ADCY8: variants seen among roughly 807,000 people sequenced by gnomAD.
The protein encoded by ADCY8 is adenylate cyclase 8, also known as adenylate cyclase type 8.
ADCY8 carries 51 observed loss-of-function variants against 119.7 expected under a neutral mutation model. The observed-to-expected ratio is 0.43, with a 90% CI of 0.34 to 0.54. The LOEUF is 0.54. Among genes scored for constraint, ADCY8 ranks in the 20% least tolerant of loss-of-function variants. The pLI, the probability that ADCY8 is intolerant of heterozygous loss-of-function variation, is 0.03. For synonymous variants in ADCY8, 665 were observed against 651.0 expected (o/e 1.02, Z -0.33); for missense variants, 1,383 against 1,598.8 (o/e 0.87, Z 2.30).
chr8:130,853,036 C>G (rs1817587825), intron 9 of ADCY8, among the ~76,000 whole-genome samples: 1 of 152,240 alleles, frequency 6.6e-6, no homozygotes, highest in Non-Finnish European at 1.5e-5. Context: ...GACTATCTCC[C>G]TGCCTGCTCA....
chr8:130,945,905 A>G (rs1821092844), intron 3 of ADCY8, among the ~76,000 whole-genome samples: 1 of 152,210 alleles, frequency 6.6e-6, no homozygotes, highest in Admixed American at 6.5e-5. Context: ...GTTCTTCTCC[A>G]TTTTATGGAA....
intron 5 of ADCY8, among the ~76,000 whole-genome samples, chr8:130,920,707 C>T (rs1026380515): frequency 6.6e-6 from 1 of 152,190 alleles, no homozygotes; most frequent in Admixed American, 6.5e-5. Flanking sequence ...TTTGGTCAAA[C>T]ACCAGGCTAG....
chr8:130,785,534 C>A (rs1296761109), intron 15 of ADCY8, 59 bp from the exon 16 acceptor site: 2 of 1,328,548 alleles, frequency 1.5e-6, no homozygotes, highest in African/African-American at 1.5e-5. Context: ...GCAGCCTGGG[C>A]TCCTGAAAAC....
chr8:130,953,401 C>T (rs1821333384), intron 2 of ADCY8, among the ~76,000 whole-genome samples: 1 of 152,018 alleles, frequency 6.6e-6, no homozygotes, highest in African/African-American at 2.4e-5. Context: ...CTCTCGAAAC[C>T]CTGACAATCA....
At chr8:130,844,724 A>G (rs1817246326) in intron 11 of ADCY8, among the ~76,000 whole-genome samples, 1 of 152,204 alleles carries the variant, frequency 6.6e-6, no homozygotes, top group African/African-American at 2.4e-5. Context: ...CAGAATGTCA[A>G]CTGGTGGGTC....
chr8:130,836,178 G>A, intron 12 of ADCY8, 99 bp downstream of exon 12: 1 of 1,299,902 alleles, frequency 7.7e-7, no homozygotes, highest in South Asian at 1.5e-5. Flanking sequence ...ATCCAATCAG[G>A]CCTTAAGTTT....
rs371147927 is a variant in ADCY8, at chr8:130,952,005, C to A, written c.1111-7G>T. 5 of 1,613,818 alleles carry A rather than the reference C, an allele frequency of 3.1e-6. No homozygotes were observed. The highest frequency in any genetic ancestry group is 1.1e-5 in the South Asian group (1 of 91,056). On this transcript the variant is annotated splice_polypyrimidine_tract_variant and splice_region_variant and intron_variant, in intron 2 of 17. Coordinates refer to ENST00000286355, the MANE Select transcript of ADCY8 (RefSeq NM_001115.3). ...CAGAAAGCACGAGCCGCTCCTGGAA[C>A]AAATGAAGAGGGACGGTCCTGTTAG...
rs1824299504 is a variant in ADCY8 at position 131,039,720 on chromosome 8, G to A, written c.614C>T (p.Ser205Leu). 4 of 1,614,142 alleles carry A rather than the reference G, an allele frequency of 2.5e-6. No homozygotes were observed. Among genetic ancestry groups the A allele is most frequent in the Non-Finnish European group, 2.5e-6 (3 of 1,180,026 alleles). The stretch of plus-strand genomic sequence containing the variant: ...GCCCTTGAGCGGGTCCATGGGGGCC[G>A]AGGCCAGGCTCAAGTGTAGGACCAA... ...TLLVLHLSLA[S>L]APMDPLKGIL... The change falls in exon 1 of 18, where the codon TCG (serine) becomes TTG (leucine). Residue 205 changes from serine (S) to leucine (L), a missense_variant. Transcript: ENST00000286355.
intron 5 of ADCY8, among the ~76,000 whole-genome samples, chr8:130,917,887 C>T (rs983515703): frequency 4.6e-5 from 7 of 151,966 alleles, no homozygotes; most frequent in Non-Finnish European, 7.4e-5. Flanking sequence ...CCTTTTCCAA[C>T]GTGCCCTCTG....
chr8:130,862,476 A>G (rs1348398160), intron 9 of ADCY8, among the ~76,000 whole-genome samples: 1 of 152,024 alleles, frequency 6.6e-6, no homozygotes, highest in Non-Finnish European at 1.5e-5. Flanking sequence ...GCAGCGGCGC[A>G]ATCTTGGCTC....
At chr8:130,969,079 T>C (rs1821847490) in intron 2 of ADCY8, among the ~76,000 whole-genome samples, 1 of 152,204 alleles carries the variant, frequency 6.6e-6, no homozygotes, top group Admixed American at 6.5e-5. Flanking sequence ...CTCTGGGCCA[T>C]GGTGCACAGA....
intron 5 of ADCY8, among the ~76,000 whole-genome samples, chr8:130,912,830 C>A (rs1563726128): frequency 6.6e-6 from 1 of 151,908 alleles, no homozygotes; most frequent in Non-Finnish European, 1.5e-5. Flanking sequence ...TACTTTATAT[C>A]TACTGACAAT....
chr8:130,936,983 A>G (rs1463375664), intron 5 of ADCY8, 90 bp downstream of exon 5: 1 of 1,434,800 alleles, frequency 7.0e-7, no homozygotes, highest in Non-Finnish European at 9.3e-7. Context: ...GCCTTTCACC[A>G]TACATATGAT....
intron 2 of ADCY8, among the ~76,000 whole-genome samples, chr8:130,970,081 C>T (rs965783687): frequency 1.3e-5 from 2 of 152,184 alleles, no homozygotes; most frequent in African/African-American, 2.4e-5. Flanking sequence ...GTGCTTTCAA[C>T]CTAATCTGCC....
At position 130,903,769 on chromosome 8, in the gene ADCY8, T is replaced by C; in HGVS notation, c.1911+3A>G. The C allele has an allele frequency of 1.2e-6, 2 of 1,611,832 alleles. No individual in the cohort carries two copies. The highest frequency in any genetic ancestry group is 1.7e-6 in the Non-Finnish European group (2 of 1,179,772). ...CAAGCAGAAGGAGGAAGAGAGGACT[T>C]ACATTCTGTTTCCCCACGATATTAT... is the stretch of plus-strand genomic sequence containing the variant. On this transcript the variant is annotated splice_donor_region_variant and intron_variant, in intron 7 of 17. Transcript: ENST00000286355.
intron 2 of ADCY8, among the ~76,000 whole-genome samples, chr8:130,977,636 C>T (rs1563752983): frequency 6.6e-6 from 1 of 152,226 alleles, no homozygotes; most frequent in Non-Finnish European, 1.5e-5. Context: ...TCAAGATTTG[C>T]ACATGAATTA....
intron 14 of ADCY8, among the ~76,000 whole-genome samples, chr8:130,806,734 C>T (rs1433941810): frequency 6.6e-6 from 1 of 152,172 alleles, no homozygotes; most frequent in South Asian, 2.1e-4. Context: ...TCCTCACTTC[C>T]CCTCATCTCT....
At chr8:130,941,399 G>A (rs1820952021) in intron 4 of ADCY8, among the ~76,000 whole-genome samples, 1 of 152,116 alleles carries the variant, frequency 6.6e-6, no homozygotes, top group Admixed American at 6.5e-5. Flanking sequence ...GGGTCAGCAG[G>A]GTTTACTGTG....
rs146701460 is a variant in ADCY8, at chr8:130,878,650, G to A, written c.2109+5914C>T. The stretch of plus-strand genomic sequence containing the variant: ...TTCTTGCAAAATCAGAATCTTGGGG[G>A]CAGAGTGATGGGATGGTACCTGCAT... On this transcript the variant is annotated intron_variant, in intron 8 of 17. Transcript: ENST00000286355. Among the ~76,000 whole-genome samples the A allele has an allele frequency of 4.1e-4, 62 of 152,226 alleles. No individual in the cohort carries two copies. The Middle Eastern group carries it at 0.024, about 58-fold the overall frequency.
Sources: gnomAD v4.1 joint callset for allele counts (sites outside exome capture counted in the v4.1 genomes callset) on GRCh38, gnomAD v4.1.1 for gene constraint, MANE v1.5 for transcripts, NCBI Gene and HGNC (gene_info 2026-07-23, HGNC 2026-07-21) for gene names.